Variants in HDAC3 observed in about 807,000 individuals in gnomAD.
HDAC3 encodes the protein SMAP45.
Under a neutral mutation model 62.3 loss-of-function variants are expected in HDAC3, and 21 were observed. The ratio of observed to expected loss-of-function variants is 0.34; its 90% CI spans 0.24 to 0.49. The LOEUF (loss-of-function observed/expected upper bound fraction) is 0.49, where lower values mean the gene tolerates loss of function less well. Among genes scored for constraint, HDAC3 ranks in the 20% least tolerant of loss-of-function variants. The pLI, the probability that HDAC3 is intolerant of heterozygous loss-of-function variation, is 0.99. For synonymous variants in HDAC3, 198 were observed against 206.5 expected (o/e 0.96, Z 0.35); for missense variants, 270 against 556.9 (o/e 0.48, Z 5.19).
At position 141,630,139 on chromosome 5, in the gene HDAC3, G is replaced by A. The variant is rs774871240; in HGVS notation, c.282-14C>T. ...GGAAACACTGGGCTGCAGGGAAGAG[G>A]AACAAGTTGGAACCCTCCTGCCTCT... On this transcript the variant is annotated splice_polypyrimidine_tract_variant and intron_variant, in intron 3 of 14. Transcript: ENST00000305264. 6.2e-7 allele frequency: 1 copy of A among 1,612,210 alleles called. No homozygotes were observed. Among genetic ancestry groups the A allele is most frequent in the Non-Finnish European group, 8.5e-7 (1 of 1,179,172 alleles).
At chr5:141,636,712 T>G (rs753223245) in intron 1 of HDAC3, 24 bp downstream of exon 1, 1 of 1,613,702 alleles carries the variant, frequency 6.2e-7, no homozygotes, top group South Asian at 1.1e-5. Context: ...TCCCAACCCC[T>G]CATGCATATC....
rs79604667 is a variant in HDAC3, at chr5:141,629,468, G to C, written c.477-162C>G. On this transcript the variant is annotated intron_variant, in intron 6 of 14. Transcript: ENST00000305264. The surrounding 1 kb of genome is among the most constrained non-coding windows in gnomAD (Gnocchi z 5.3). Reference sequence around the variant, plus strand: ...GGCAACTGGGGGCTCCAGCCTAGAGGCTAGAGGCAGGGACAGGAGAGGGAT... The same window carrying C: ...GGCAACTGGGGGCTCCAGCCTAGAGCCTAGAGGCAGGGACAGGAGAGGGAT... The C allele has an allele frequency of 1.2e-3, 1,221 of 1,027,726 alleles. 6 individuals are homozygous for C. The African/African-American group carries it at 0.016, about 14-fold the overall frequency. 63.7% of individuals were successfully genotyped at this position (1,027,726 alleles called of 1,614,324 possible). A position where few individuals can be genotyped will look rare whatever the true frequency, so the allele number is the denominator to read the frequency against.
At chr5:141,634,061 C>G (rs556141750) in intron 3 of HDAC3, among the ~76,000 whole-genome samples, 5 of 152,110 alleles carry the variant, frequency 3.3e-5, no homozygotes, top group African/African-American at 4.8e-5. Flanking sequence ...ACTCTCTTCC[C>G]CAGAGGGTCT....
In HDAC3 at chr5:141,629,794, C is replaced by T; in HGVS notation, c.421-55G>A. 1 of 1,611,680 alleles carries T rather than the reference C, an allele frequency of 6.2e-7. No individual in the cohort carries two copies. The highest frequency in any genetic ancestry group is 8.5e-7 in the Non-Finnish European group (1 of 1,177,810). ...AAGAGCAATTCCCCTCCCAGCTGCC[C>T]CCCACCATCATCCTAAACACCTACC... On this transcript the variant is annotated intron_variant, in intron 5 of 14. Transcript: ENST00000305264. The surrounding 1 kb of genome is among the most constrained non-coding windows in gnomAD (Gnocchi z 5.3).
chr5:141,629,768 G>A lies in HDAC3; in HGVS notation c.421-29C>T, dbSNP rs1468773649. ...TGGCAAGACAGTGGTCTCATAAAGAGAAGAGCAATTCCCCTCCCAGCTGCC... is the reference window on the plus strand; with the variant it reads ...TGGCAAGACAGTGGTCTCATAAAGAAAAGAGCAATTCCCCTCCCAGCTGCC... On this transcript the variant is annotated intron_variant, in intron 5 of 14. Coordinates refer to ENST00000305264, the MANE Select transcript of HDAC3 (RefSeq NM_003883.4). This position sits in a 1 kb window ranked among gnomAD's most constrained non-coding sequence, Gnocchi z 5.3. The A allele has an allele frequency of 5.0e-6, 8 of 1,613,504 alleles. 1 individual carries two copies. Among genetic ancestry groups the A allele is most frequent in the East Asian group, 4.5e-5 (2 of 44,870 alleles).
chr5:141,621,206 G>T lies in HDAC3; in HGVS notation c.*262C>A, dbSNP rs892791321. On this transcript the variant is annotated 3_prime_UTR_variant, in exon 15 of 15. Coordinates refer to ENST00000305264, the MANE Select transcript of HDAC3 (RefSeq NM_003883.4). ...AAGGGGCAAGGGGGGCTAGGGACTG[G>T]CCTCCAGGGCCCACTGCCAATAATG... 5 of 435,388 alleles carry T rather than the reference G, an allele frequency of 1.1e-5. No individual in the cohort carries two copies. Among genetic ancestry groups the T allele is most frequent in the Non-Finnish European group, 1.7e-5 (4 of 241,832 alleles). 27.0% of individuals were successfully genotyped at this position (435,388 alleles called of 1,614,324 possible).
At chr5:141,622,045 G>T (rs1463153497) in intron 14 of HDAC3, among the ~76,000 whole-genome samples, 1 of 152,136 alleles carries the variant, frequency 6.6e-6, no homozygotes, top group Admixed American at 6.5e-5. Flanking sequence ...ATGTATTCCA[G>T]TAAGAACAAG....
Position 141,621,383 on chromosome 5 carries a change from A to G in HDAC3, c.*85T>C, listed in dbSNP as rs1195872081. 3.2e-6 allele frequency: 4 copies of G among 1,269,522 alleles called. No homozygotes were observed. The African/African-American group carries it at 5.9e-5, about 19-fold the overall frequency. The allele number at this position is 1,269,522 out of a possible 1,614,324, so 78.6% of individuals were successfully genotyped here. ...CAGCAAAAGCCCTGGGGTGACCCCC[A>G]GGACTCTAGGAGCCACTCCTTTTCC... On this transcript the variant is annotated 3_prime_UTR_variant, in exon 15 of 15. Transcript: ENST00000305264.
chr5:141,628,038 A>G lies in HDAC3; in HGVS notation c.765+76T>C, dbSNP rs1353650492. On this transcript the variant is annotated intron_variant, in intron 9 of 14. Transcript: ENST00000305264. The surrounding 1 kb of genome is among the most constrained non-coding windows in gnomAD (Gnocchi z 4.7). ...CAGATACCCCTTCCACCACCAACCT[A>G]AAGAACCTCCTCTTCCCTTGCTCTC... 6.3e-7 allele frequency: 1 copy of G among 1,598,266 alleles called. No individual in the cohort carries two copies. Among genetic ancestry groups the G allele is most frequent in the Non-Finnish European group, 8.6e-7 (1 of 1,165,680 alleles).
Position 141,625,450 on chromosome 5 carries a change from A to G in HDAC3, c.1060-85T>C. The G allele has an allele frequency of 6.8e-7, 1 of 1,479,818 alleles. No individual in the cohort carries two copies. The highest frequency in any genetic ancestry group is 9.4e-7 in the Non-Finnish European group (1 of 1,064,616). The allele number at this position is 1,479,818 out of a possible 1,614,324, so 91.7% of individuals were successfully genotyped here. Reference sequence around the variant, plus strand: ...CTCCTAGCTGCCTTTTACCCCTACCATACTGGTTTTCATCTCAGTGGTACC... The same window carrying G: ...CTCCTAGCTGCCTTTTACCCCTACCGTACTGGTTTTCATCTCAGTGGTACC... On this transcript the variant is annotated intron_variant, in intron 13 of 14. Transcript: ENST00000305264. The surrounding 1 kb of genome is among the most constrained non-coding windows in gnomAD (Gnocchi z 4.0).
chr5:141,624,882 T>C (rs1220022184), intron 14 of HDAC3: 6 of 223,628 alleles, frequency 2.7e-5, no homozygotes, highest in African/African-American at 1.4e-4. Flanking sequence ...TGTGTTTGTT[T>C]ATATGTACAT....
intron 9 of HDAC3, 42 bp from the exon 10 acceptor site, chr5:141,627,999 T>C: frequency 1.9e-6 from 3 of 1,609,826 alleles, no homozygotes; most frequent in Non-Finnish European, 1.7e-6. Context: ...TGATCAGAAC[T>C]GATCAGAACA....
rs1288098499 is a variant in HDAC3 at position 141,636,780 on chromosome 5, G to C, written c.11C>G (p.Thr4Ser). The C allele has an allele frequency of 1.2e-6, 2 of 1,611,848 alleles. No homozygotes were observed. Among genetic ancestry groups the C allele is most frequent in the African/African-American group, 2.7e-5 (2 of 74,854 alleles). ...GTCGGGGTCGTAGAAATAGGCCACG[G>C]TCTTGGCCATGGTGCCGGCGGGAGC... Reference protein sequence around the residue: MAKTVAYFYDPDVG... With the variant: MAKSVAYFYDPDVG... The change falls in exon 1 of 15, where the codon ACC (threonine) becomes AGC (serine). Residue 4 changes from threonine to serine, a missense_variant. Physicochemically the swap from Thr to Ser is moderately conservative, Grantham distance 58. Coordinates refer to ENST00000305264, the MANE Select transcript of HDAC3 (RefSeq NM_003883.4).
intron 2 of HDAC3, 32 bp from the exon 3 acceptor site, chr5:141,634,985 A>G (rs751210144): frequency 4.0e-5 from 64 of 1,610,212 alleles, no homozygotes; most frequent in Non-Finnish European, 4.9e-5. Context: ...GAACCCAGGC[A>G]GGGTCAGCCC....
chr5:141,628,528 T>C lies in HDAC3; in HGVS notation c.691+31A>G. ...ATTTCAAGGAGAAAAAGAAGGGGCC[T>C]AGGGAACAGAGGGAAGACTTCGGTA... On this transcript the variant is annotated intron_variant, in intron 8 of 14. Transcript: ENST00000305264. This position sits in a 1 kb window ranked among gnomAD's most constrained non-coding sequence, Gnocchi z 4.7. 1 of 1,562,046 alleles carries C rather than the reference T, an allele frequency of 6.4e-7. No individual in the cohort carries two copies. The highest frequency in any genetic ancestry group is 8.8e-7 in the Non-Finnish European group (1 of 1,132,728).
chr5:141,623,495 G>A (rs1183134584), intron 14 of HDAC3, among the ~76,000 whole-genome samples: 3 of 152,074 alleles, frequency 2.0e-5, no homozygotes, highest in Non-Finnish European at 2.9e-5. Context: ...TGGAGCTATT[G>A]ATAAAAAACC....
In HDAC3 at chr5:141,636,530, C is replaced by A. The variant is rs772357956; in HGVS notation, c.138+18G>T. 6.2e-7 allele frequency: 1 copy of A among 1,612,922 alleles called. No individual in the cohort carries two copies. The highest frequency in any genetic ancestry group is 1.1e-5 in the South Asian group (1 of 91,072). ...CTCGCCCCACCCCCCAACCCCCGGC[C>A]GAGGCGGCGGAACTCACGATCATCT... On this transcript the variant is annotated intron_variant, in intron 2 of 14. Coordinates refer to ENST00000305264, the MANE Select transcript of HDAC3 (RefSeq NM_003883.4).
chr5:141,627,490 A>G (rs377149907), intron 10 of HDAC3, among the ~76,000 whole-genome samples: 11 of 152,288 alleles, frequency 7.2e-5, no homozygotes, highest in African/African-American at 2.6e-4. Flanking sequence ...ACTTCCTCAG[A>G]AAAACTTTCC....
At position 141,625,566 on chromosome 5, in the gene HDAC3, G is replaced by GTT; in HGVS notation, c.1059+118_1059+119insAA. The GTT allele has an allele frequency of 8.6e-7, 1 of 1,156,402 alleles. No homozygotes were observed. The allele number at this position is 1,156,402 out of a possible 1,614,324, so 71.6% of individuals were successfully genotyped here. On this transcript the variant is annotated intron_variant, in intron 13 of 14. Transcript: ENST00000305264. The surrounding 1 kb of genome is among the most constrained non-coding windows in gnomAD (Gnocchi z 4.0). ...CTGGACTGCCTCCTAGTCAATAACA[G>GTT]TGACTGTGATGGCTTAGAACTTCCT...
Sources: gnomAD v4.1 joint callset for allele counts (sites outside exome capture counted in the v4.1 genomes callset) on GRCh38, gnomAD v4.1.1 for gene constraint, Gnocchi (gnomAD v3.1) non-coding constraint, MANE v1.5 for transcripts, NCBI Gene and HGNC (gene_info 2026-07-23, HGNC 2026-07-21) for gene names.